The following PALLD variants were observed in gnomAD, a reference collection of about 807,000 sequenced individuals.
PALLD encodes palladin, cytoskeletal associated protein, also known as palladin.
In PALLD, 61 loss-of-function variants were observed where a neutral mutation model predicts 123.5. That is an observed-to-expected ratio of 0.49 (90% CI 0.40 to 0.61). The LOEUF is 0.61. PALLD is among the 20% of genes least tolerant of loss of function. PALLD has a pLI of 0.00. For synonymous variants in PALLD, 465 were observed against 496.4 expected (o/e 0.94, Z 0.84); for missense variants, 1,273 against 1,377.0 (o/e 0.92, Z 1.20).
chr4:168,878,262 C>T, intron 10 of PALLD: 1 of 1,526,160 alleles, frequency 6.6e-7, no homozygotes, highest in Non-Finnish European at 8.7e-7. Flanking sequence ...GGACAGGCGT[C>T]CCACTGCTCG....
intron 10 of PALLD, among the ~76,000 whole-genome samples, chr4:168,819,873 A>T (rs960554545): frequency 6.6e-6 from 1 of 152,228 alleles, no homozygotes; most frequent in Non-Finnish European, 1.5e-5. Context: ...TATAGTGGAG[A>T]TTTGAAAATG....
At chr4:168,518,600 T>G (rs1763232645) in intron 2 of PALLD, among the ~76,000 whole-genome samples, 1 of 152,170 alleles carries the variant, frequency 6.6e-6, no homozygotes, top group South Asian at 2.1e-4. Context: ...TCCCCAGATA[T>G]CTGCAGGATT....
chr4:168,636,774 A>T (rs538461573), intron 2 of PALLD, among the ~76,000 whole-genome samples: 7 of 152,352 alleles, frequency 4.6e-5, no homozygotes, highest in Non-Finnish European at 1.0e-4. Flanking sequence ...TTACAGTCCC[A>T]GTGCAGAAAA....
At chr4:168,684,485 G>A (rs1580951686) in intron 5 of PALLD, among the ~76,000 whole-genome samples, 4 of 152,246 alleles carry the variant, frequency 2.6e-5, no homozygotes, top group East Asian at 3.9e-4. Flanking sequence ...CAAATAAAAT[G>A]TAACCCTTCA....
chr4:168,787,454 T>A (rs146867881), intron 10 of PALLD, among the ~76,000 whole-genome samples: 1 of 152,356 alleles, frequency 6.6e-6, no homozygotes, highest in African/African-American at 2.4e-5. Context: ...ACTGCATTGG[T>A]AAGACTATCT....
rs2149426966 is a variant in PALLD at position 168,511,557 on chromosome 4, A to C, written c.53A>C (p.Gln18Pro). ...ESFYDSLSDM[Q>P]EESKNTDFFP... ...TTCTATGACTCCCTCTCAGACATGC[A>C]GGAAGAAAGCAAGAATACTGACTTC... is the stretch of plus-strand genomic sequence containing the variant. Residue 18 changes from glutamine to proline, a missense_variant, in exon 2 of 22, where the codon CAG becomes CCG. By Grantham distance (76) the Gln-to-Pro change is moderately conservative (BLOSUM62 -1). Around this residue, in one of 2 missense-constraint regions of PALLD, gnomAD observed 944 missense variants for 954.5 expected, o/e 0.99. Coordinates refer to ENST00000505667, the MANE Select transcript of PALLD (RefSeq NM_001166108.2). The C allele has an allele frequency of 6.2e-7, 1 of 1,614,068 alleles. No homozygotes were observed. The highest frequency in any genetic ancestry group is 1.3e-5 in the African/African-American group (1 of 75,058).
intron 10 of PALLD, among the ~76,000 whole-genome samples, chr4:168,779,479 A>G (rs11132481): frequency 0.35 from 52,481 of 150,888 alleles, 9,895 homozygotes; most frequent in East Asian, 0.55. Context: ...ACTTCATGTG[A>G]ACATCATATA....
chr4:168,877,657 C>A (rs1034944797), intron 10 of PALLD: 2 of 846,462 alleles, frequency 2.4e-6, no homozygotes, highest in Non-Finnish European at 2.9e-6. Flanking sequence ...AAGCTGAGCT[C>A]ACTCCTGGAA....
chr4:168,631,255 G>C (rs941103802), intron 2 of PALLD, among the ~76,000 whole-genome samples: 1 of 152,220 alleles, frequency 6.6e-6, no homozygotes, highest in Admixed American at 6.5e-5. Flanking sequence ...GGAACCTCAA[G>C]CTGGACGTTG....
At chr4:168,514,683 T>C (rs1762834437) in intron 2 of PALLD, among the ~76,000 whole-genome samples, 1 of 152,228 alleles carries the variant, frequency 6.6e-6, no homozygotes, top group Non-Finnish European at 1.5e-5. Flanking sequence ...CATTAGACAT[T>C]CATTCTCATG....
intron 10 of PALLD, among the ~76,000 whole-genome samples, chr4:168,837,464 G>C (rs1745360558): frequency 6.6e-6 from 1 of 152,208 alleles, no homozygotes; most frequent in Non-Finnish European, 1.5e-5. Flanking sequence ...CCAGTCTACT[G>C]AATGTCCAAA....
intron 21 of PALLD, among the ~76,000 whole-genome samples, chr4:168,925,557 A>ATATC (rs1416363903): frequency 9.2e-5 from 14 of 152,294 alleles, no homozygotes; most frequent in Admixed American, 8.5e-4. Flanking sequence ...TCTCATTAAT[A>ATATC]TATCTTAAGC....
At chr4:168,715,805 C>A (rs903190575) in intron 10 of PALLD, among the ~76,000 whole-genome samples, 2 of 152,142 alleles carry the variant, frequency 1.3e-5, no homozygotes, top group Non-Finnish European at 2.9e-5. Context: ...AAAAAATTAG[C>A]CGGGCGTGGT....
intron 1 of PALLD, among the ~76,000 whole-genome samples, chr4:168,509,371 T>G (rs1227245489): frequency 6.6e-6 from 1 of 152,204 alleles, no homozygotes; most frequent in East Asian, 1.9e-4. Context: ...TTTTTTCAAT[T>G]GTTAAATAAA....
chr4:168,588,972 C>T (rs755946206), intron 2 of PALLD, among the ~76,000 whole-genome samples: 11 of 152,144 alleles, frequency 7.2e-5, no homozygotes, highest in Non-Finnish European at 1.3e-4. Flanking sequence ...TGTTCCTTGA[C>T]AGTGAGTTTT....
chr4:168,711,782 G>A lies in PALLD; in HGVS notation c.1823G>A (p.Arg608Lys). The change falls in exon 10 of 22, where the codon AGG becomes AAG. Residue 608 changes from arginine (R) to lysine (K), a missense_variant. Coordinates refer to ENST00000505667, the MANE Select transcript of PALLD (RefSeq NM_001166108.2). The stretch of plus-strand genomic sequence containing the variant: ...CAAATGCAATTCAATGCTGCTGAGA[G>A]GGAAACGAACGGAGTCCATCCCAGC... ...ALQMQFNAAE[R>K]ETNGVHPSRG... 1 of 1,614,142 alleles carries A rather than the reference G, an allele frequency of 6.2e-7. No individual in the cohort carries two copies. The highest frequency in any genetic ancestry group is 8.5e-7 in the Non-Finnish European group (1 of 1,180,022).
intron 10 of PALLD, among the ~76,000 whole-genome samples, chr4:168,872,578 C>T (rs1560828959): frequency 6.6e-6 from 1 of 152,142 alleles, no homozygotes; most frequent in South Asian, 2.1e-4. Context: ...TTATCCCTGC[C>T]TTCTCCCCCA....
intron 10 of PALLD, among the ~76,000 whole-genome samples, chr4:168,876,053 A>G (rs967468038): frequency 2.0e-5 from 3 of 152,244 alleles, no homozygotes; most frequent in African/African-American, 7.2e-5. Flanking sequence ...AGCGCCTTTG[A>G]GGAGAGCCAC....
At chr4:168,838,932 G>A (rs1000829662) in intron 10 of PALLD, among the ~76,000 whole-genome samples, 14 of 151,808 alleles carry the variant, frequency 9.2e-5, no homozygotes, top group Non-Finnish European at 1.5e-4. Context: ...TTCCCATAAC[G>A]GATTAAGTTT....
Sources: gnomAD v4.1 joint callset for allele counts (sites outside exome capture counted in the v4.1 genomes callset) on GRCh38, gnomAD v4.1.1 for gene constraint, gnomAD v4.1.1 regional missense constraint, MANE v1.5 for transcripts, NCBI Gene and HGNC (gene_info 2026-07-23, HGNC 2026-07-21) for gene names.